Variants in CARMIL1 observed in about 807,000 individuals in gnomAD.
CARMIL1 encodes the protein capping protein regulator and myosin 1 linker 1, also known as F-actin-uncapping protein LRRC16A.
In CARMIL1, 90 loss-of-function variants were observed where a neutral mutation model predicts 177.1. The observed-to-expected ratio is 0.51, with a 90% CI of 0.43 to 0.61. CARMIL1 has a LOEUF of 0.61. CARMIL1 is among the 20% of genes least tolerant of loss of function. The pLI, the probability that CARMIL1 is intolerant of heterozygous loss-of-function variation, is 0.00. For synonymous variants in CARMIL1, 577 were observed against 606.2 expected (o/e 0.95, Z 0.71); for missense variants, 1,380 against 1,667.0 (o/e 0.83, Z 3.00).
intron 11 of CARMIL1, chr6:25,479,160 C>T (rs1281480306): frequency 3.9e-6 from 2 of 518,864 alleles, no homozygotes; most frequent in African/African-American, 3.8e-5. Flanking sequence ...TCCAGACTTA[C>T]CTTGTGGTTT....
chr6:25,568,903 C>T (rs1379725912), intron 29 of CARMIL1, among the ~76,000 whole-genome samples: 1 of 152,140 alleles, frequency 6.6e-6, no homozygotes, highest in Admixed American at 6.5e-5. Context: ...CAAACAATAG[C>T]TAAGAGATTG....
intron 2 of CARMIL1, among the ~76,000 whole-genome samples, chr6:25,302,523 A>G (rs1782938757): frequency 6.6e-6 from 1 of 152,176 alleles, no homozygotes; most frequent in African/African-American, 2.4e-5. Flanking sequence ...TATGTTAAGT[A>G]CCTCTACCCC....
intron 32 of CARMIL1, among the ~76,000 whole-genome samples, chr6:25,598,458 C>G (rs552340865): frequency 1.3e-5 from 2 of 152,078 alleles, no homozygotes; most frequent in South Asian, 2.1e-4. Context: ...AGGCTGGTCT[C>G]GAACTCCCAG....
chr6:25,430,598 T>C (rs1279795531), intron 4 of CARMIL1, among the ~76,000 whole-genome samples: 1 of 151,898 alleles, frequency 6.6e-6, no homozygotes, highest in Non-Finnish European at 1.5e-5. Context: ...CCTGGCTAAT[T>C]TGTGTATTTT....
At chr6:25,421,386 G>A (rs911116258) in intron 3 of CARMIL1, among the ~76,000 whole-genome samples, 1 of 152,166 alleles carries the variant, frequency 6.6e-6, no homozygotes, top group Admixed American at 6.5e-5. Flanking sequence ...AGGTGCTGGA[G>A]AGGATGTGGA....
intron 8 of CARMIL1, chr6:25,451,986 G>GCCACCCC: frequency 3.6e-5 from 4 of 112,672 alleles, no homozygotes; most frequent in East Asian, 2.0e-4. Context: ...CTAGCATCTT[G>GCCACCCC]CCCCCCCCTC....
At chr6:25,576,200 A>G (rs1395165537) in intron 29 of CARMIL1, among the ~76,000 whole-genome samples, 1 of 152,198 alleles carries the variant, frequency 6.6e-6, no homozygotes, top group Non-Finnish European at 1.5e-5. Flanking sequence ...ATGATGACCA[A>G]TGGAATTTTA....
chr6:25,377,453 G>A (rs1333842653), intron 2 of CARMIL1, among the ~76,000 whole-genome samples: 1 of 152,172 alleles, frequency 6.6e-6, no homozygotes, highest in Non-Finnish European at 1.5e-5. Context: ...CCAGACTACT[G>A]TGAATGCAAC....
intron 32 of CARMIL1, among the ~76,000 whole-genome samples, chr6:25,598,125 T>C (rs1436086161): frequency 2.0e-5 from 3 of 152,178 alleles, no homozygotes; most frequent in African/African-American, 7.2e-5. Context: ...CCAATTTGCT[T>C]GACACTCATA....
At chr6:25,424,778 A>T (rs12202054) in intron 3 of CARMIL1, among the ~76,000 whole-genome samples, 18,537 of 152,158 alleles carry the variant, frequency 0.12, 1,133 homozygotes, top group East Asian at 0.2. Flanking sequence ...GGAGCATAAT[A>T]ATCTAGAAAA....
chr6:25,304,120 C>T (rs977916651), intron 2 of CARMIL1, among the ~76,000 whole-genome samples: 1 of 152,246 alleles, frequency 6.6e-6, no homozygotes, highest in African/African-American at 2.4e-5. Context: ...TGTGCTCACA[C>T]ATGGGAGGGG....
intron 2 of CARMIL1, among the ~76,000 whole-genome samples, chr6:25,368,215 T>C (rs1215846549): frequency 6.6e-6 from 1 of 152,210 alleles, no homozygotes. Context: ...TAGTTAAAGG[T>C]ATGGCTAAAT....
intron 2 of CARMIL1, among the ~76,000 whole-genome samples, chr6:25,348,777 T>C (rs893522482): frequency 1.3e-5 from 2 of 151,964 alleles, no homozygotes; most frequent in African/African-American, 2.4e-5. Context: ...CTAGACTCTG[T>C]CTTAAAAAAA....
chr6:25,571,354 A>G (rs1812047946), intron 29 of CARMIL1, among the ~76,000 whole-genome samples: 1 of 152,200 alleles, frequency 6.6e-6, no homozygotes, highest in African/African-American at 2.4e-5. Context: ...AATACTCAGA[A>G]AACATCGAAA....
intron 2 of CARMIL1, among the ~76,000 whole-genome samples, chr6:25,311,421 T>A (rs76871293): frequency 0.013 from 2,034 of 152,218 alleles, 63 homozygotes; most frequent in East Asian, 0.091. Context: ...CAGAGGAAGC[T>A]GGACTCTAAG....
At chr6:25,402,868 T>A (rs1188995606) in intron 2 of CARMIL1, among the ~76,000 whole-genome samples, 3 of 152,150 alleles carry the variant, frequency 2.0e-5, no homozygotes, top group Non-Finnish European at 4.4e-5. Flanking sequence ...AGAATTTAAA[T>A]AGAATCTCAG....
chr6:25,356,567 A>G (rs1001992130), intron 2 of CARMIL1, among the ~76,000 whole-genome samples: 3 of 152,198 alleles, frequency 2.0e-5, no homozygotes, highest in Non-Finnish European at 2.9e-5. Context: ...TACTTTCTCA[A>G]TTTAGTACAA....
At position 25,580,842 on chromosome 6, in the gene CARMIL1, G is replaced by A. The variant is rs193048042; in HGVS notation, c.2743-82G>A. Reference sequence around the variant, plus strand: ...GAAACAACTACTGAGTTAAACAGTCGATCCAGAATGTTTCAGAAGTTTGAA... The same window carrying A: ...GAAACAACTACTGAGTTAAACAGTCAATCCAGAATGTTTCAGAAGTTTGAA... On this transcript the variant is annotated intron_variant, in intron 29 of 36. Coordinates refer to ENST00000329474, the MANE Select transcript of CARMIL1 (RefSeq NM_017640.6). 1.5e-4 allele frequency: 152 copies of A among 1,045,678 alleles called. No individual in the cohort carries two copies. The East Asian group carries it at 3.1e-3, about 21-fold the overall frequency. 64.8% of individuals were successfully genotyped at this position (1,045,678 alleles called of 1,614,324 possible). A position where few individuals can be genotyped will look rare whatever the true frequency, so the allele number is the denominator to read the frequency against.
At chr6:25,298,256 C>T (rs1217309250) in intron 2 of CARMIL1, among the ~76,000 whole-genome samples, 2 of 152,114 alleles carry the variant, frequency 1.3e-5, no homozygotes, top group African/African-American at 2.4e-5. Flanking sequence ...ATATTTGAGT[C>T]ACAGATTATT....
Sources: allele counts gnomAD v4.1 joint callset (sites outside exome capture counted in the v4.1 genomes callset), GRCh38; gene constraint gnomAD v4.1.1; transcripts MANE v1.5; gene names NCBI Gene and HGNC (gene_info 2026-07-23, HGNC 2026-07-21).